LHFPL3: variants seen among roughly 807,000 people sequenced by gnomAD.
LHFPL3 encodes LHFPL tetraspan subfamily member 3 protein.
In LHFPL3, 5 loss-of-function variants were observed where a neutral mutation model predicts 19.3. The observed-to-expected ratio is 0.26, with a 90% CI of 0.14 to 0.54. The LOEUF (loss-of-function observed/expected upper bound fraction) is 0.54. Ranked by LOEUF, LHFPL3 falls within the 20% of genes least tolerant of loss-of-function variation. The pLI, the probability that LHFPL3 is intolerant of heterozygous loss-of-function variation, is 0.94. For synonymous variants in LHFPL3, 133 were observed against 126.2 expected, an observed-to-expected ratio of 1.05 and a Z score of -0.36; for missense variants, 249 against 307.4, an observed-to-expected ratio of 0.81 and a Z score of 1.42.
rs748863817 is a variant in LHFPL3, at chr7:104,329,232, C to A, written c.445+8C>A. 1.9e-6 allele frequency: 3 copies of A among 1,589,722 alleles called. No individual in the cohort carries two copies. The highest frequency in any genetic ancestry group is 2.6e-6 in the Non-Finnish European group (3 of 1,164,552). On this transcript the variant is annotated splice_region_variant and intron_variant, in intron 1 of 2. Coordinates refer to ENST00000424859, the MANE Select transcript of LHFPL3 (RefSeq NM_199000.3). ...GGATGCAGCTCACCTCCGGTGAGTG[C>A]GCGCTCACCTCCGCGGAGGCGGAGG...
At chr7:104,737,985 C>T (rs989145012) in intron 2 of LHFPL3, among the ~76,000 whole-genome samples, 3 of 92,546 alleles carry the variant, frequency 3.2e-5, no homozygotes, top group East Asian at 4.4e-4. Flanking sequence ...ACTGTTTATG[C>T]GGGTAAACTG....
chr7:104,640,157 C>A (rs1025299087), intron 1 of LHFPL3, among the ~76,000 whole-genome samples: 1 of 152,108 alleles, frequency 6.6e-6, no homozygotes, highest in African/African-American at 2.4e-5. Flanking sequence ...GCAGAATATG[C>A]AGGTTTGTTA....
chr7:104,367,118 G>A (rs1400537277), intron 1 of LHFPL3, among the ~76,000 whole-genome samples: 1 of 152,204 alleles, frequency 6.6e-6, no homozygotes. Context: ...AGTGGTTTAA[G>A]TTTGCTATGG....
rs116976727 is a variant in LHFPL3 at position 104,891,184 on chromosome 7, A to G, written c.683-15003A>G. ...TTGCTATAACAGAATACCATAAAAA[A>G]AAAATTTGTTTTGTTTGAATTCTCT... On this transcript the variant is annotated intron_variant, in intron 2 of 2. Coordinates refer to ENST00000424859, the MANE Select transcript of LHFPL3 (RefSeq NM_199000.3). 2.6e-3 allele frequency among the ~76,000 whole-genome samples: 394 copies of G among 152,072 alleles called. 10 individuals carry two copies. The East Asian group carries it at 0.035, about 13-fold the overall frequency.
chr7:104,606,465 T>C (rs73411770), intron 1 of LHFPL3, among the ~76,000 whole-genome samples: 20,640 of 152,154 alleles, frequency 0.14, 1,466 homozygotes, highest in Non-Finnish European at 0.15. Context: ...TTTTGTGAGG[T>C]TGGCAAATCA....
At chr7:104,668,974 A>G (rs1234990312) in intron 1 of LHFPL3, 5 of 1,612,078 alleles carry the variant, frequency 3.1e-6, no homozygotes, top group East Asian at 2.2e-5. Context: ...AAGTGAAGAA[A>G]CTCAGGAACG....
At chr7:104,370,606 G>T (rs868080797) in intron 1 of LHFPL3, among the ~76,000 whole-genome samples, 3 of 152,228 alleles carry the variant, frequency 2.0e-5, no homozygotes, top group Admixed American at 2.0e-4. Flanking sequence ...GATAGGGCCG[G>T]ATGTGGTGGC....
At chr7:104,699,989 G>A (rs959908185) in intron 1 of LHFPL3, among the ~76,000 whole-genome samples, 4 of 152,144 alleles carry the variant, frequency 2.6e-5, no homozygotes, top group African/African-American at 9.7e-5. Context: ...GAGGTCAGCT[G>A]CAACCTCTAT....
chr7:104,337,934 G>T lies in LHFPL3; in HGVS notation c.445+8710G>T, dbSNP rs529095307. ...TAAAAACCTTCATAGAGAAAGGAATGCTCTACTGTAGTGTTTTAAAAACCA... is the reference window on the plus strand; with the variant it reads ...TAAAAACCTTCATAGAGAAAGGAATTCTCTACTGTAGTGTTTTAAAAACCA... On this transcript the variant is annotated intron_variant, in intron 1 of 2. Transcript: ENST00000424859. Among the ~76,000 whole-genome samples, 36 of 152,236 alleles carry T rather than the reference G, an allele frequency of 2.4e-4. No individual in the cohort carries two copies. In the South Asian group the frequency reaches 7.3e-3, roughly 31 times the overall value.
chr7:104,808,890 CTTTTTTTTTTTT>C (rs151212974), intron 2 of LHFPL3, among the ~76,000 whole-genome samples: 1 of 77,226 alleles, frequency 1.3e-5, no homozygotes, highest in South Asian at 4.5e-4. Flanking sequence ...ATGATAGATC[CTTTTTTTTTTTT>C]TTTTTTTTTT....
At chr7:104,417,962 AGCCTCT>A (rs1399877188) in intron 1 of LHFPL3, among the ~76,000 whole-genome samples, 1 of 140,332 alleles carries the variant, frequency 7.1e-6, no homozygotes, top group Non-Finnish European at 1.5e-5. Context: ...GGCTCACTGT[AGCCTCT>A]GCCTCCTGGG....
chr7:104,818,356 T>A (rs1470929875), intron 2 of LHFPL3, among the ~76,000 whole-genome samples: 4 of 151,326 alleles, frequency 2.6e-5, no homozygotes, highest in Admixed American at 6.6e-5. Flanking sequence ...GCAACTGACT[T>A]TAAGGCAACT....
chr7:104,570,406 C>T (rs373129520), intron 1 of LHFPL3, among the ~76,000 whole-genome samples: 1 of 152,202 alleles, frequency 6.6e-6, no homozygotes, highest in South Asian at 2.1e-4. Flanking sequence ...AAGAGCTCCA[C>T]TCTTTATGTA....
intron 2 of LHFPL3, among the ~76,000 whole-genome samples, chr7:104,811,551 C>A (rs556419821): frequency 6.6e-6 from 1 of 152,032 alleles, no homozygotes; most frequent in Admixed American, 6.5e-5. Context: ...GATGGATGAG[C>A]ATACATATAT....
intron 1 of LHFPL3, among the ~76,000 whole-genome samples, chr7:104,537,288 T>C (rs1270140060): frequency 4.6e-5 from 7 of 152,228 alleles, no homozygotes; most frequent in Non-Finnish European, 1.0e-4. Flanking sequence ...AAAAACTCTC[T>C]GTTTCTTTTC....
At chr7:104,457,442 A>C (rs1792569053) in intron 1 of LHFPL3, among the ~76,000 whole-genome samples, 1 of 152,150 alleles carries the variant, frequency 6.6e-6, no homozygotes, top group African/African-American at 2.4e-5. Context: ...AAAGGACATG[A>C]ACTCATCATT....
chr7:104,848,792 A>C (rs1791360937), intron 2 of LHFPL3, among the ~76,000 whole-genome samples: 1 of 152,224 alleles, frequency 6.6e-6, no homozygotes, highest in South Asian at 2.1e-4. Context: ...CTGAGATCCT[A>C]AAATATCAGC....
chr7:104,717,245 G>T (rs1793404199), intron 1 of LHFPL3, among the ~76,000 whole-genome samples: 1 of 152,082 alleles, frequency 6.6e-6, no homozygotes, highest in South Asian at 2.1e-4. Flanking sequence ...ATTAGTCTTG[G>T]CAATGATTTT....
intron 1 of LHFPL3, among the ~76,000 whole-genome samples, chr7:104,603,336 C>G (rs1242794139): frequency 6.6e-6 from 1 of 151,970 alleles, no homozygotes; most frequent in Non-Finnish European, 1.5e-5. Context: ...GCTGGGACTA[C>G]AGGTGCATGC....
Sources: gnomAD v4.1 joint callset for allele counts (sites outside exome capture counted in the v4.1 genomes callset) on GRCh38, gnomAD v4.1.1 for gene constraint, MANE v1.5 for transcripts, NCBI Gene and HGNC (gene_info 2026-07-23, HGNC 2026-07-21) for gene names.